Variants in NRG1 observed in about 807,000 individuals in gnomAD.
The protein encoded by NRG1 is neuregulin 1, also known as pro-neuregulin-1, membrane-bound isoform.
In NRG1, 18 loss-of-function variants were observed where a neutral mutation model predicts 63.8. The observed-to-expected ratio is 0.28, with a 90% CI of 0.19 to 0.42. NRG1 has a LOEUF of 0.42. Ranked by LOEUF, NRG1 falls within the 10% of genes least tolerant of loss-of-function variation. NRG1 has a pLI of 1.00. For missense variants in NRG1, 762 were observed against 814.7 expected (o/e 0.94, Z 0.79); for synonymous variants, 302 against 301.3 (o/e 1.00, Z -0.02).
chr8:31,726,639 A>G (rs1813473291), intron 1 of NRG1, among the ~76,000 whole-genome samples: 1 of 152,148 alleles, frequency 6.6e-6, no homozygotes, highest in South Asian at 2.1e-4. Context: ...TAGAAGTACC[A>G]ATACCAGTGG....
intron 1 of NRG1, among the ~76,000 whole-genome samples, chr8:31,672,020 TA>T (rs1472045010): frequency 6.6e-6 from 1 of 152,182 alleles, no homozygotes; most frequent in African/African-American, 2.4e-5. Context: ...ATGTCACTAT[TA>T]TAAGAGGTCT....
chr8:31,869,857 T>C (rs1192981486), intron 1 of NRG1, among the ~76,000 whole-genome samples: 2 of 152,014 alleles, frequency 1.3e-5, no homozygotes, highest in Non-Finnish European at 2.9e-5. Context: ...CATGAGAAAA[T>C]AGTATGATAA....
At chr8:32,367,042 T>G (rs554114376) in intron 1 of NRG1, among the ~76,000 whole-genome samples, 2 of 152,230 alleles carry the variant, frequency 1.3e-5, no homozygotes, top group East Asian at 3.9e-4. Flanking sequence ...CATCCATTGA[T>G]GGACATTTAG....
At chr8:31,639,755 T>C (rs1803548505) in intron 1 of NRG1, 6 of 1,366,448 alleles carry the variant, frequency 4.4e-6, no homozygotes, top group Non-Finnish European at 5.6e-6. Flanking sequence ...TTTGCCTTTT[T>C]TTTTTTTGCC....
rs186905354 is a variant in NRG1, at chr8:31,755,823, C to T, written c.37+116392C>T. Among the ~76,000 whole-genome samples, 25 of 152,112 alleles carry T rather than the reference C, an allele frequency of 1.6e-4. No homozygotes were observed. In the East Asian group the frequency reaches 4.7e-3, roughly 28 times the overall value. On this transcript the variant is annotated intron_variant, in intron 1 of 10. Transcript: ENST00000519301. ...CCATCACCAACTGCAATGTGAGAAG[C>T]GAATCACAATTATTTTCTCAGTCCC... is the stretch of plus-strand genomic sequence containing the variant.
intron 1 of NRG1, among the ~76,000 whole-genome samples, chr8:31,960,662 A>C (rs878930716): frequency 6.6e-6 from 1 of 152,214 alleles, no homozygotes; most frequent in Non-Finnish European, 1.5e-5. Flanking sequence ...TTGTTGTCAA[A>C]GAAGTGATAA....
At chr8:31,884,024 G>A (rs1476423275) in intron 1 of NRG1, among the ~76,000 whole-genome samples, 2 of 152,022 alleles carry the variant, frequency 1.3e-5, no homozygotes, top group Admixed American at 1.3e-4. Flanking sequence ...CAGTTGATCA[G>A]TAAATGTTTT....
At chr8:31,743,816 A>G (rs1815565806) in intron 1 of NRG1, among the ~76,000 whole-genome samples, 1 of 151,984 alleles carries the variant, frequency 6.6e-6, no homozygotes, top group Admixed American at 6.6e-5. Context: ...AAAAGCACTG[A>G]GAATTATTCT....
At chr8:32,425,033 A>G (rs528411778) in intron 1 of NRG1, among the ~76,000 whole-genome samples, 12 of 152,228 alleles carry the variant, frequency 7.9e-5, no homozygotes, top group Non-Finnish European at 1.6e-4. Flanking sequence ...ATTGAAAAGC[A>G]GCTATTGTTT....
At chr8:32,166,987 C>A (rs992873620) in intron 1 of NRG1, among the ~76,000 whole-genome samples, 2 of 152,140 alleles carry the variant, frequency 1.3e-5, no homozygotes, top group African/African-American at 4.8e-5. Context: ...CCCTCTTTAT[C>A]TTCTAGTTAG....
intron 5 of NRG1, among the ~76,000 whole-genome samples, chr8:32,623,690 A>G (rs1476990820): frequency 2.0e-5 from 3 of 152,208 alleles, no homozygotes; most frequent in Non-Finnish European, 2.9e-5. Context: ...TCATAGGTGC[A>G]AGCAAGTTAC....
intron 1 of NRG1, among the ~76,000 whole-genome samples, chr8:32,271,007 G>C (rs1258071806): frequency 6.6e-6 from 1 of 152,076 alleles, no homozygotes; most frequent in Non-Finnish European, 1.5e-5. Flanking sequence ...GCTAAGACTA[G>C]TTCCATCAAA....
chr8:32,698,920 C>T (rs192835568), intron 5 of NRG1, among the ~76,000 whole-genome samples: 6 of 152,266 alleles, frequency 3.9e-5, no homozygotes, highest in African/African-American at 1.2e-4. Context: ...CAGAACTTCA[C>T]CTAGATAGAC....
At chr8:31,943,536 A>AAATAAATT (rs1229960840) in intron 1 of NRG1, among the ~76,000 whole-genome samples, 4 of 137,158 alleles carry the variant, frequency 2.9e-5, no homozygotes, top group Non-Finnish European at 4.4e-5. Flanking sequence ...CTATTGAAAT[A>AAATAAATT]AATAAATAAA....
chr8:31,645,445 G>A (rs1804199126), intron 1 of NRG1, among the ~76,000 whole-genome samples: 1 of 152,182 alleles, frequency 6.6e-6, no homozygotes, highest in Admixed American at 6.5e-5. Context: ...TGCACTTCAA[G>A]TAAATCTGTT....
intron 6 of NRG1, among the ~76,000 whole-genome samples, chr8:32,734,848 G>T (rs925180173): frequency 6.6e-6 from 1 of 152,156 alleles, no homozygotes; most frequent in African/African-American, 2.4e-5. Context: ...AAAATCAGTT[G>T]AGCAGCCATG....
At chr8:32,421,226 G>A (rs1816666409) in intron 1 of NRG1, among the ~76,000 whole-genome samples, 1 of 152,072 alleles carries the variant, frequency 6.6e-6, no homozygotes, top group African/African-American at 2.4e-5. Flanking sequence ...TAGACCCCAA[G>A]ATTGAGAGAG....
intron 1 of NRG1, among the ~76,000 whole-genome samples, chr8:31,849,650 T>C (rs1827026157): frequency 6.6e-6 from 1 of 152,206 alleles, no homozygotes; most frequent in Admixed American, 6.5e-5. Flanking sequence ...GAAAGGGTCT[T>C]CTGCTGACCC....
At chr8:31,843,618 C>A (rs973753031) in intron 1 of NRG1, among the ~76,000 whole-genome samples, 1 of 152,146 alleles carries the variant, frequency 6.6e-6, no homozygotes, top group Admixed American at 6.5e-5. Context: ...ACAACAGTTT[C>A]ATTGACGTGA....
Sources: gnomAD v4.1 joint callset for allele counts (sites outside exome capture counted in the v4.1 genomes callset) on GRCh38, gnomAD v4.1.1 for gene constraint, MANE v1.5 for transcripts, NCBI Gene and HGNC (gene_info 2026-07-23, HGNC 2026-07-21) for gene names.